The following SCHIP1 variants were observed in gnomAD, a reference collection of about 807,000 sequenced individuals.
The protein encoded by SCHIP1 is schwannomin interacting protein 1, also known as schwannomin-interacting protein 1.
In SCHIP1, 8 loss-of-function variants were observed where a neutral mutation model predicts 29.7. The observed-to-expected ratio is 0.27, with a 90% CI of 0.16 to 0.49. The LOEUF (loss-of-function observed/expected upper bound fraction) is 0.49. Among genes scored for constraint, SCHIP1 ranks in the 20% least tolerant of loss-of-function variants. SCHIP1 has a pLI of 0.99. For missense variants in SCHIP1, 193 were observed against 294.6 expected, an observed-to-expected ratio of 0.66 and a Z score of 2.52; for synonymous variants, 76 against 94.9, an observed-to-expected ratio of 0.80 and a Z score of 1.16.
chr3:159,534,294 A>G, the SCHIP1 span, among the ~76,000 whole-genome samples: 1 of 152,094 alleles, frequency 6.6e-6, no homozygotes, highest in African/African-American at 2.4e-5. Flanking sequence ...GAACTAGGCA[A>G]ATGTTTATGG....
chr3:159,491,844 AC>A, the SCHIP1 span, among the ~76,000 whole-genome samples: 1 of 152,170 alleles, frequency 6.6e-6, no homozygotes, highest in Admixed American at 6.5e-5. Flanking sequence ...ACTGGGAGGC[AC>A]CCCCAAGTAG....
chr3:159,563,152 G>A, the SCHIP1 span, among the ~76,000 whole-genome samples: 1 of 152,136 alleles, frequency 6.6e-6, no homozygotes, highest in African/African-American at 2.4e-5. Context: ...CAGCTCCCTG[G>A]CAGCAAGTTG....
the SCHIP1 span, among the ~76,000 whole-genome samples, chr3:159,604,504 G>A: frequency 2.6e-5 from 4 of 152,262 alleles, no homozygotes; most frequent in South Asian, 6.2e-4. Flanking sequence ...CTCTGTGCCA[G>A]GCACTGTGCC....
At chr3:159,888,722 G>T (rs1424271661) in intron 4 of SCHIP1, 98 bp from the exon 6 acceptor site, 1 of 1,522,256 alleles carries the variant, frequency 6.6e-7, no homozygotes, top group Admixed American at 2.0e-5. Flanking sequence ...AATTGCAGTG[G>T]GTGGGTGAGT....
the SCHIP1 span, among the ~76,000 whole-genome samples, chr3:159,429,546 A>C: frequency 3.3e-5 from 5 of 152,198 alleles, no homozygotes; most frequent in Non-Finnish European, 7.3e-5. Flanking sequence ...ATGAAAATTC[A>C]TGCTTGCAAA....
At chr3:159,717,062 T>C in the SCHIP1 span, among the ~76,000 whole-genome samples, 45 of 152,234 alleles carry the variant, frequency 3.0e-4, no homozygotes, top group African/African-American at 9.6e-4. Flanking sequence ...GCAATCAAAC[T>C]AGAACTCAGG....
At chr3:159,441,043 A>G in the SCHIP1 span, among the ~76,000 whole-genome samples, 2 of 152,208 alleles carry the variant, frequency 1.3e-5, no homozygotes, top group Non-Finnish European at 2.9e-5. Context: ...TCCTTGTTAC[A>G]TGCAAAAGCA....
chr3:159,603,780 T>C, the SCHIP1 span, among the ~76,000 whole-genome samples: 1 of 152,172 alleles, frequency 6.6e-6, no homozygotes, highest in Non-Finnish European at 1.5e-5. Flanking sequence ...AAGAAATTTA[T>C]TTTTTACCAT....
At chr3:159,389,822 A>G in the SCHIP1 span, among the ~76,000 whole-genome samples, 1 of 152,150 alleles carries the variant, frequency 6.6e-6, no homozygotes, top group East Asian at 1.9e-4. Flanking sequence ...GGTGGGTGCA[A>G]CTTTTTCATT....
the SCHIP1 span, among the ~76,000 whole-genome samples, chr3:159,410,843 C>T: frequency 2.0e-5 from 3 of 151,952 alleles, no homozygotes; most frequent in African/African-American, 7.3e-5. Flanking sequence ...TTGCAATACT[C>T]TTCACAATAG....
At chr3:159,320,944 T>C in the SCHIP1 span, among the ~76,000 whole-genome samples, 1 of 152,112 alleles carries the variant, frequency 6.6e-6, no homozygotes. Flanking sequence ...AGTGACTACT[T>C]AATACTTGGT....
At chr3:159,572,781 T>C in the SCHIP1 span, among the ~76,000 whole-genome samples, 1 of 152,300 alleles carries the variant, frequency 6.6e-6, no homozygotes. Flanking sequence ...GGGCTTGCTT[T>C]ATGAATCTGG....
At chr3:159,690,115 T>C in the SCHIP1 span, among the ~76,000 whole-genome samples, 1 of 152,212 alleles carries the variant, frequency 6.6e-6, no homozygotes, top group South Asian at 2.1e-4. Context: ...CCTCAAAAAA[T>C]GAGTTAGGGA....
chr3:159,388,458 A>G, the SCHIP1 span, among the ~76,000 whole-genome samples: 1 of 152,162 alleles, frequency 6.6e-6, no homozygotes, highest in Non-Finnish European at 1.5e-5. Flanking sequence ...TTGAGTTTCT[A>G]GATAAAAGAT....
chr3:159,692,848 C>T, the SCHIP1 span, among the ~76,000 whole-genome samples: 1 of 151,876 alleles, frequency 6.6e-6, no homozygotes, highest in African/African-American at 2.4e-5. Flanking sequence ...ACATATTTAA[C>T]AAAAATATTT....
At chr3:159,775,433 A>G in the SCHIP1 span, among the ~76,000 whole-genome samples, 1 of 152,162 alleles carries the variant, frequency 6.6e-6, no homozygotes, top group Non-Finnish European at 1.5e-5. Context: ...CTCCCTGGGC[A>G]TACCCCAGCT....
the SCHIP1 span, among the ~76,000 whole-genome samples, chr3:159,468,766 T>TA: frequency 8.0e-6 from 1 of 124,556 alleles, no homozygotes; most frequent in African/African-American, 3.3e-5. Flanking sequence ...AATATATATA[T>TA]ATATATATAT....
chr3:159,477,704 A>G, the SCHIP1 span, among the ~76,000 whole-genome samples: 5 of 152,138 alleles, frequency 3.3e-5, no homozygotes, highest in African/African-American at 1.2e-4. Flanking sequence ...TGGTTTGCAA[A>G]CAACTTTTCC....
At chr3:159,645,332 C>A in the SCHIP1 span, among the ~76,000 whole-genome samples, 5 of 152,238 alleles carry the variant, frequency 3.3e-5, no homozygotes, top group Admixed American at 3.3e-4. Flanking sequence ...CATATCCAAG[C>A]TCCTTGGGGA....
Sources: allele counts gnomAD v4.1 joint callset (sites outside exome capture counted in the v4.1 genomes callset), GRCh38; gene constraint gnomAD v4.1.1; transcripts MANE v1.5; gene names NCBI Gene and HGNC (gene_info 2026-07-23, HGNC 2026-07-21).